Variants in DENND1A observed in about 807,000 individuals in gnomAD.
DENND1A encodes DENN domain containing 1A.
In DENND1A, 51 loss-of-function variants were observed where a neutral mutation model predicts 113.7. The observed-to-expected ratio is 0.45, with a 90% CI of 0.36 to 0.57. The LOEUF is 0.57. Among genes scored for constraint, DENND1A ranks in the 20% least tolerant of loss-of-function variants. The pLI is 0.00. For synonymous variants in DENND1A, 565 were observed against 570.8 expected (o/e 0.99, Z 0.14); for missense variants, 1,258 against 1,395.9 (o/e 0.90, Z 1.57).
intron 21 of DENND1A, among the ~76,000 whole-genome samples, chr9:123,388,658 C>CT (rs2042688337): frequency 6.6e-6 from 1 of 152,212 alleles, no homozygotes; most frequent in Non-Finnish European, 1.5e-5. Flanking sequence ...CCTTGTCAGC[C>CT]ACCTGTGAGC....
At chr9:123,445,560 C>A (rs1380461330) in intron 18 of DENND1A, among the ~76,000 whole-genome samples, 1 of 152,206 alleles carries the variant, frequency 6.6e-6, no homozygotes, top group Non-Finnish European at 1.5e-5. Flanking sequence ...ACTGGCTGTT[C>A]CAGATGTGGG....
chr9:123,708,473 T>C (rs1447343576), intron 5 of DENND1A, among the ~76,000 whole-genome samples: 1 of 152,212 alleles, frequency 6.6e-6, no homozygotes, highest in Non-Finnish European at 1.5e-5. Flanking sequence ...TTTGGAAGCC[T>C]AAATTCTCTG....
intron 15 of DENND1A, among the ~76,000 whole-genome samples, chr9:123,456,454 A>T (rs2048132395): frequency 6.6e-6 from 1 of 152,180 alleles, no homozygotes; most frequent in African/African-American, 2.4e-5. Flanking sequence ...AAATGAGAAG[A>T]CAAGACCTTC....
intron 13 of DENND1A, among the ~76,000 whole-genome samples, chr9:123,519,169 A>G (rs963650130): frequency 6.6e-5 from 10 of 152,070 alleles, no homozygotes; most frequent in African/African-American, 2.4e-4. Context: ...GAAGCACCAA[A>G]CTCTGCTCAC....
intron 2 of DENND1A, among the ~76,000 whole-genome samples, chr9:123,823,895 AC>A (rs1449606492): frequency 6.6e-6 from 1 of 152,152 alleles, no homozygotes; most frequent in East Asian, 1.9e-4. Context: ...TAAGAGGGGA[AC>A]CCTGTTGAAT....
chr9:123,617,491 G>A (rs993467925), intron 10 of DENND1A, among the ~76,000 whole-genome samples: 2 of 152,164 alleles, frequency 1.3e-5, no homozygotes, highest in Non-Finnish European at 2.9e-5. Flanking sequence ...TATGCAGGTG[G>A]GGGTGGTGGA....
At chr9:123,923,771 G>A (rs620578) in intron 1 of DENND1A, among the ~76,000 whole-genome samples, 13,082 of 151,656 alleles carry the variant, frequency 0.086, 945 homozygotes, top group African/African-American at 0.2. Context: ...ACCTATCTCC[G>A]TCTACACTGA....
intron 1 of DENND1A, among the ~76,000 whole-genome samples, chr9:123,912,495 T>G (rs1442018281): frequency 6.6e-6 from 1 of 152,164 alleles, no homozygotes; most frequent in African/African-American, 2.4e-5. Flanking sequence ...TCAAAAAATT[T>G]TTTAAGAAAA....
chr9:123,752,778 G>A (rs906479907), intron 5 of DENND1A, among the ~76,000 whole-genome samples: 1 of 152,138 alleles, frequency 6.6e-6, no homozygotes, highest in African/African-American at 2.4e-5. Flanking sequence ...GATTTCAGAG[G>A]TAAATGCATA....
At chr9:123,509,062 GA>G (rs1262070320) in intron 13 of DENND1A, among the ~76,000 whole-genome samples, 8 of 152,194 alleles carry the variant, frequency 5.3e-5, no homozygotes, top group African/African-American at 1.7e-4. Flanking sequence ...GAGAGAGGAA[GA>G]GGCCCTGTGC....
At chr9:123,708,400 C>T (rs1230183506) in intron 5 of DENND1A, among the ~76,000 whole-genome samples, 7 of 152,080 alleles carry the variant, frequency 4.6e-5, no homozygotes, top group African/African-American at 1.7e-4. Context: ...ATATTAATTA[C>T]ATATTTATAT....
At chr9:123,905,707 C>G (rs1852678945) in intron 1 of DENND1A, among the ~76,000 whole-genome samples, 1 of 151,434 alleles carries the variant, frequency 6.6e-6, no homozygotes, top group African/African-American at 2.4e-5. Context: ...ATTCATAAAG[C>G]AAGTCCTGAG....
intron 5 of DENND1A, among the ~76,000 whole-genome samples, chr9:123,711,969 G>A (rs1002724626): frequency 3.3e-5 from 5 of 152,154 alleles, no homozygotes; most frequent in African/African-American, 1.2e-4. Context: ...ATAAAGGCAT[G>A]TGTCTCTTTT....
At chr9:123,924,678 A>G (rs1238593859) in intron 1 of DENND1A, among the ~76,000 whole-genome samples, 1 of 152,032 alleles carries the variant, frequency 6.6e-6, no homozygotes, top group Non-Finnish European at 1.5e-5. Context: ...ATATTATAGT[A>G]TGTGAATCTT....
At chr9:123,723,406 T>A (rs752621602) in intron 5 of DENND1A, among the ~76,000 whole-genome samples, 3 of 152,106 alleles carry the variant, frequency 2.0e-5, no homozygotes, top group Non-Finnish European at 4.4e-5. Flanking sequence ...TGGGAAGGCA[T>A]GATTAGTTTT....
intron 2 of DENND1A, among the ~76,000 whole-genome samples, chr9:123,852,567 T>C (rs1350489961): frequency 1.3e-5 from 2 of 152,208 alleles, no homozygotes; most frequent in African/African-American, 2.4e-5. Flanking sequence ...TGAATAAGTA[T>C]ATGAAGAAAG....
Position 123,526,358 on chromosome 9 carries a change from TCCCAGGG to T in DENND1A, c.993+31205_993+31211del, listed in dbSNP as rs1435158277. Among the ~76,000 whole-genome samples, 4 of 152,152 alleles carry T rather than the reference TCCCAGGG, an allele frequency of 2.6e-5. No homozygotes were observed. In the East Asian group the frequency reaches 7.7e-4, roughly 29 times the overall value. On this transcript the variant is annotated intron_variant, in intron 13 of 23. Transcript: ENST00000394215. ...ACCTGGCTTCGCCATACCCCTTCCA[TCCCAGGG>T]CCCTGGTCCTACCGAATACGCTTAT... is the stretch of plus-strand genomic sequence containing the variant.
rs558783509 is a variant in DENND1A at position 123,459,553 on chromosome 9, T to A, written c.994-1656A>T. Among the ~76,000 whole-genome samples the A allele has an allele frequency of 2.7e-3, 407 of 151,896 alleles. 2 individuals carry two copies. The highest frequency in any genetic ancestry group is 4.7e-3 in the Non-Finnish European group (322 of 67,936). On this transcript the variant is annotated intron_variant, in intron 13 of 23. Transcript: ENST00000394215. Reference sequence around the variant, plus strand: ...ATACCCTGAGTTAAAAAAAAAAAAATCCTATCCGTATAGAGCTAACACCTC... The same window carrying A: ...ATACCCTGAGTTAAAAAAAAAAAAAACCTATCCGTATAGAGCTAACACCTC...
rs370274353 is a variant in DENND1A, at chr9:123,774,853, T to C, written c.133-5290A>G. Among the ~76,000 whole-genome samples the C allele has an allele frequency of 2.5e-4, 38 of 152,296 alleles. No homozygotes were observed. In the East Asian group the frequency reaches 3.3e-3, roughly 13 times the overall value. On this transcript the variant is annotated intron_variant, in intron 3 of 23. Transcript: ENST00000394215. ...CATCATACTCTATAAACATGTTTCA[T>C]ATAAACTGTGTATCTAAATTATCAA... is the stretch of plus-strand genomic sequence containing the variant.
Sources: gnomAD v4.1 joint callset for allele counts (sites outside exome capture counted in the v4.1 genomes callset) on GRCh38, gnomAD v4.1.1 for gene constraint, MANE v1.5 for transcripts, NCBI Gene and HGNC (gene_info 2026-07-23, HGNC 2026-07-21) for gene names.